CCNY: variants seen among roughly 807,000 people sequenced by gnomAD.
CCNY encodes cyclin-Y.
CCNY carries 19 observed loss-of-function variants against 42.8 expected under a neutral mutation model. The observed-to-expected ratio is 0.44, with a 90% CI of 0.31 to 0.65. The LOEUF is 0.65. Among genes scored for constraint, CCNY ranks in the 30% least tolerant of loss-of-function variants. CCNY has a pLI of 0.07. For missense variants in CCNY, 370 were observed against 437.3 expected (o/e 0.85, Z 1.37); for synonymous variants, 165 against 162.7 (o/e 1.01, Z -0.11).
At chr10:35,460,565 A>G (rs1253997518) in intron 1 of CCNY, among the ~76,000 whole-genome samples, 1 of 152,272 alleles carries the variant, frequency 6.6e-6, no homozygotes, top group Admixed American at 6.5e-5. Flanking sequence ...TCATTCAGTA[A>G]GCATCAAGCT....
At chr10:35,423,817 C>T (rs541315132) in intron 1 of CCNY, among the ~76,000 whole-genome samples, 2 of 152,236 alleles carry the variant, frequency 1.3e-5, no homozygotes, top group East Asian at 1.9e-4. Context: ...TTGCTTATTC[C>T]GAACTCCTAT....
At chr10:35,482,067 C>G (rs1001489274) in intron 1 of CCNY, among the ~76,000 whole-genome samples, 9 of 152,096 alleles carry the variant, frequency 5.9e-5, no homozygotes, top group Non-Finnish European at 1.0e-4. Flanking sequence ...TCAGGTACTC[C>G]GGGAGAAGTT....
chr10:35,529,911 G>GT (rs760578420), intron 5 of CCNY, 62 bp from the exon 6 acceptor site: 250 of 1,355,444 alleles, frequency 1.8e-4, no homozygotes, highest in Non-Finnish European at 2.3e-4. Flanking sequence ...ATGTATTTTT[G>GT]TTTTATTTGA....
intron 1 of CCNY, among the ~76,000 whole-genome samples, chr10:35,403,000 C>G (rs1260989984): frequency 1.3e-5 from 2 of 151,998 alleles, no homozygotes; most frequent in Non-Finnish European, 2.9e-5. Context: ...AGGTCTCTAC[C>G]CATCTAGTGA....
intron 1 of CCNY, among the ~76,000 whole-genome samples, chr10:35,467,926 G>T (rs773570165): frequency 6.6e-6 from 1 of 152,192 alleles, no homozygotes; most frequent in East Asian, 1.9e-4. Context: ...GATTTCCTCA[G>T]ATCTGTTTTT....
intron 1 of CCNY, among the ~76,000 whole-genome samples, chr10:35,419,293 T>C (rs1327582244): frequency 1.3e-5 from 2 of 152,176 alleles, no homozygotes; most frequent in Non-Finnish European, 2.9e-5. Context: ...TGTGGTTTGA[T>C]GTGAAGGAAT....
Position 35,474,451 on chromosome 10 carries a change from G to A in CCNY, c.155-8953G>A, listed in dbSNP as rs61843292. Among the ~76,000 whole-genome samples the A allele has an allele frequency of 1.0e-3, 158 of 152,248 alleles. 1 individual carries two copies. Among genetic ancestry groups the A allele is most frequent in the Non-Finnish European group, 1.2e-3 (81 of 68,022 alleles). ...CTCCCAGTACGCAGCTGGAGATCTG[G>A]GAACGGGCAGACTGCCTCCTCAAGT... is the stretch of plus-strand genomic sequence containing the variant. On this transcript the variant is annotated intron_variant, in intron 1 of 9. Transcript: ENST00000374704.
chr10:35,557,964 G>C (rs1841393061), intron 8 of CCNY, among the ~76,000 whole-genome samples: 1 of 152,158 alleles, frequency 6.6e-6, no homozygotes, highest in South Asian at 2.1e-4. Context: ...ATGTTCAGAT[G>C]AGTAGGTGAA....
chr10:35,331,447 A>G (rs1835942756), intron 3 of CCNY, among the ~76,000 whole-genome samples: 1 of 152,232 alleles, frequency 6.6e-6, no homozygotes. Context: ...GGTGAGGTAG[A>G]TAAATCAGTT....
chr10:35,562,633 A>G (rs540148454), intron 8 of CCNY, among the ~76,000 whole-genome samples: 2 of 152,240 alleles, frequency 1.3e-5, no homozygotes, highest in African/African-American at 4.8e-5. Context: ...TCCATGTTGT[A>G]GTGTGTCTGA....
intron 3 of CCNY, among the ~76,000 whole-genome samples, chr10:35,291,141 G>C (rs1294198268): frequency 6.6e-6 from 1 of 151,962 alleles, no homozygotes; most frequent in Non-Finnish European, 1.5e-5. Flanking sequence ...GAGTAGCTGG[G>C]ATGACAAGCA....
intron 8 of CCNY, among the ~76,000 whole-genome samples, chr10:35,562,609 G>A (rs1841488108): frequency 6.6e-6 from 1 of 152,092 alleles, no homozygotes; most frequent in Non-Finnish European, 1.5e-5. Context: ...TGCCAATAAT[G>A]TCCTCAGGGT....
chr10:35,369,139 G>T (rs897032780), intron 1 of CCNY, among the ~76,000 whole-genome samples: 7 of 152,180 alleles, frequency 4.6e-5, no homozygotes, highest in Non-Finnish European at 1.0e-4. Flanking sequence ...TATTCAGGCC[G>T]AAATGACCTT....
chr10:35,315,408 C>T (rs1168469865), intron 3 of CCNY: 1 of 152,156 alleles, frequency 6.6e-6, no homozygotes, highest in Non-Finnish European at 1.5e-5. Flanking sequence ...ATGATGGCCT[C>T]CAGCTCCATT....
At chr10:35,303,216 T>C (rs1835558640) in intron 3 of CCNY, among the ~76,000 whole-genome samples, 1 of 151,832 alleles carries the variant, frequency 6.6e-6, no homozygotes, top group African/African-American at 2.4e-5. Flanking sequence ...GTTTCACTCT[T>C]GTTGCCCAGG....
intron 8 of CCNY, among the ~76,000 whole-genome samples, chr10:35,559,755 G>T (rs190653284): frequency 1.3e-5 from 2 of 152,232 alleles, no homozygotes; most frequent in Non-Finnish European, 2.9e-5. Flanking sequence ...AGGGGTGAAT[G>T]ATCCTGAGAT....
At chr10:35,313,837 G>A (rs967965697) in intron 3 of CCNY, among the ~76,000 whole-genome samples, 4 of 151,898 alleles carry the variant, frequency 2.6e-5, no homozygotes, top group East Asian at 1.9e-4. Flanking sequence ...CTAGCCTGGC[G>A]TGGTGGTGCA....
At chr10:35,483,291 C>T (rs1232258794) in intron 1 of CCNY, 113 bp from the exon 2 acceptor site, 2 of 701,272 alleles carry the variant, frequency 2.9e-6, no homozygotes, top group East Asian at 5.7e-5. Flanking sequence ...CTATAGGTTT[C>T]CAGAATCCTT....
chr10:35,409,588 T>C (rs1837859181), intron 1 of CCNY, among the ~76,000 whole-genome samples: 1 of 152,066 alleles, frequency 6.6e-6, no homozygotes, highest in Admixed American at 6.6e-5. Flanking sequence ...AAAAGAAAAA[T>C]GCAATTCTAA....
Sources: gnomAD v4.1 joint callset for allele counts (sites outside exome capture counted in the v4.1 genomes callset) on GRCh38, gnomAD v4.1.1 for gene constraint, MANE v1.5 for transcripts, NCBI Gene and HGNC (gene_info 2026-07-23, HGNC 2026-07-21) for gene names.